The following RBFOX1 variants were observed in gnomAD, a reference collection of about 807,000 sequenced individuals.
RBFOX1 encodes RNA binding protein fox-1 homolog 1.
In RBFOX1, 8 loss-of-function variants were observed where a neutral mutation model predicts 57.7. That is an observed-to-expected ratio of 0.14 (90% CI 0.08 to 0.25). RBFOX1 has a LOEUF of 0.25. Ranked by LOEUF, RBFOX1 falls within the 10% of genes least tolerant of loss-of-function variation. The probability of loss-of-function intolerance (pLI) is 1.00; values close to 1 mark genes in which losing one functional copy is unlikely to be tolerated. For missense variants in RBFOX1, 611 were observed against 548.5 expected (o/e 1.11, Z -1.14); for synonymous variants, 326 against 222.4 (o/e 1.47, Z -4.15).
intron 4 of RBFOX1, among the ~76,000 whole-genome samples, chr16:7,515,570 CAT>C (rs1196466616): frequency 1.3e-5 from 2 of 152,036 alleles, no homozygotes; most frequent in Admixed American, 6.5e-5. Flanking sequence ...ACAATGTATA[CAT>C]ATGTCAAAAC....
At chr16:7,216,701 G>A (rs2092112225) in intron 4 of RBFOX1, among the ~76,000 whole-genome samples, 1 of 152,092 alleles carries the variant, frequency 6.6e-6, no homozygotes, top group African/African-American at 2.4e-5. Flanking sequence ...CCGAGACAAT[G>A]AGTGTAGCAC....
chr16:5,657,494 G>A (rs750081706), intron 3 of RBFOX1, among the ~76,000 whole-genome samples: 55 of 152,102 alleles, frequency 3.6e-4, no homozygotes, highest in Non-Finnish European at 6.6e-4. Context: ...CCCGACTCTA[G>A]GGTTTAAAGT....
chr16:5,624,110 G>C (rs1186987849), intron 3 of RBFOX1, among the ~76,000 whole-genome samples: 1 of 152,216 alleles, frequency 6.6e-6, no homozygotes, highest in Non-Finnish European at 1.5e-5. Context: ...ATTTGGAAAA[G>C]CAAAGGAGAA....
At chr16:6,987,412 C>A (rs191689580) in intron 3 of RBFOX1, among the ~76,000 whole-genome samples, 1 of 150,198 alleles carries the variant, frequency 6.7e-6, no homozygotes. Context: ...GGTTATCTCC[C>A]GAGCCACTAG....
At chr16:6,078,106 G>T (rs540040587) in intron 1 of RBFOX1, among the ~76,000 whole-genome samples, 2 of 152,090 alleles carry the variant, frequency 1.3e-5, no homozygotes, top group Admixed American at 6.5e-5. Flanking sequence ...TCATCTTTCC[G>T]GGGAGGTTAA....
intron 4 of RBFOX1, among the ~76,000 whole-genome samples, chr16:7,267,896 G>C (rs1480391675): frequency 3.3e-5 from 5 of 152,162 alleles, no homozygotes; most frequent in Admixed American, 3.3e-4. Context: ...AGGTTTTGTT[G>C]AGTCAGAAGC....
intron 4 of RBFOX1, among the ~76,000 whole-genome samples, chr16:5,999,658 G>A (rs755629015): frequency 2.0e-5 from 3 of 151,894 alleles, no homozygotes; most frequent in Non-Finnish European, 4.4e-5. Flanking sequence ...TCAGGAGATC[G>A]AGACCATTCT....
intron 4 of RBFOX1, among the ~76,000 whole-genome samples, chr16:5,937,569 G>C (rs28708920): frequency 0.022 from 3,303 of 150,862 alleles, 138 homozygotes; most frequent in African/African-American, 0.077. Flanking sequence ...ATATATAGTT[G>C]CTTATTTATA....
intron 4 of RBFOX1, among the ~76,000 whole-genome samples, chr16:7,502,390 G>C (rs1156540379): frequency 2.0e-5 from 3 of 152,194 alleles, no homozygotes; most frequent in Non-Finnish European, 4.4e-5. Flanking sequence ...TAAAAATACA[G>C]GCAGATGCTT....
chr16:5,812,703 C>G (rs2055478217), intron 3 of RBFOX1, among the ~76,000 whole-genome samples: 1 of 152,110 alleles, frequency 6.6e-6, no homozygotes, highest in Non-Finnish European at 1.5e-5. Flanking sequence ...CTCAAGCAGT[C>G]CTTTCACCTC....
intron 3 of RBFOX1, among the ~76,000 whole-genome samples, chr16:6,900,408 C>T (rs1258541771): frequency 2.6e-5 from 4 of 152,144 alleles, no homozygotes; most frequent in African/African-American, 7.2e-5. Context: ...GATTTTGAAA[C>T]ATCTAATCAT....
chr16:6,487,741 AT>A (rs1567405805), intron 2 of RBFOX1, among the ~76,000 whole-genome samples: 27 of 70,134 alleles, frequency 3.8e-4, no homozygotes, highest in Admixed American at 7.0e-4. Context: ...ATATATATAT[AT>A]ATATATATAT....
At chr16:7,329,414 C>A (rs2096655096) in intron 4 of RBFOX1, among the ~76,000 whole-genome samples, 1 of 152,182 alleles carries the variant, frequency 6.6e-6, no homozygotes. Context: ...TGCACTGCCA[C>A]TGGGGAATGG....
At chr16:7,141,587 G>T (rs77022081) in intron 4 of RBFOX1, among the ~76,000 whole-genome samples, 4 of 152,002 alleles carry the variant, frequency 2.6e-5, no homozygotes, top group Admixed American at 6.5e-5. Context: ...ATGGCTCCCT[G>T]TACCAGATGA....
At chr16:5,559,165 C>CAAAAAAA (rs35531242) in intron 2 of RBFOX1, among the ~76,000 whole-genome samples, 23 of 65,360 alleles carry the variant, frequency 3.5e-4, no homozygotes, top group African/African-American at 6.4e-4. Flanking sequence ...CCCCCCCAGG[C>CAAAAAAA]AAAAAAAAAA....
intron 5 of RBFOX1, among the ~76,000 whole-genome samples, chr16:7,532,338 C>G (rs2080307244): frequency 6.6e-6 from 1 of 152,058 alleles, no homozygotes; most frequent in African/African-American, 2.4e-5. Flanking sequence ...GTGGCGCCAG[C>G]TTCGGGGAGA....
chr16:7,439,835 C>G (rs906653539), intron 4 of RBFOX1, among the ~76,000 whole-genome samples: 6 of 151,874 alleles, frequency 4.0e-5, no homozygotes, highest in Non-Finnish European at 5.9e-5. Flanking sequence ...TGACAATGAT[C>G]TAGGTGGAAA....
chr16:6,484,829 G>T (rs1256993030), intron 2 of RBFOX1, among the ~76,000 whole-genome samples: 1 of 152,166 alleles, frequency 6.6e-6, no homozygotes, highest in African/African-American at 2.4e-5. Flanking sequence ...GTGTCTTCAC[G>T]TAGAAGAATT....
chr16:5,243,495 G>A (rs1212068981), intron 1 of RBFOX1, among the ~76,000 whole-genome samples: 5 of 152,170 alleles, frequency 3.3e-5, no homozygotes, highest in African/African-American at 9.7e-5. Context: ...GAGACCATTC[G>A]TGGTGCTGGT....
Sources: gnomAD v4.1 joint callset for allele counts (sites outside exome capture counted in the v4.1 genomes callset) on GRCh38, gnomAD v4.1.1 for gene constraint, MANE v1.5 for transcripts, NCBI Gene and HGNC (gene_info 2026-07-23, HGNC 2026-07-21) for gene names.